The following TRIM49C variants were observed in gnomAD, a reference collection of about 807,000 sequenced individuals.
TRIM49C encodes the protein tripartite motif containing 49C.
A neutral mutation model predicts 21.4 loss-of-function variants in TRIM49C; 6 were observed. That is an observed-to-expected ratio of 0.28 (90% CI 0.15 to 0.55). TRIM49C has a LOEUF of 0.55. Among genes scored for constraint, TRIM49C ranks in the 20% least tolerant of loss-of-function variants. The pLI is 0.94. For missense variants in TRIM49C, 161 were observed against 442.4 expected (o/e 0.36, Z 5.71); for synonymous variants, 57 against 148.1 (o/e 0.38, Z 4.47).
Position 90,041,584 on chromosome 11 carries a change from T to C in TRIM49C, c.*34T>C. 1 of 1,137,986 alleles carries C rather than the reference T, an allele frequency of 8.8e-7. No individual in the cohort carries two copies. The highest frequency in any genetic ancestry group is 2.7e-5 in the East Asian group (1 of 37,720). 70.5% of individuals were successfully genotyped at this position (1,137,986 alleles called of 1,614,324 possible). A position where few individuals can be genotyped will look rare whatever the true frequency, so the allele number is the denominator to read the frequency against. On this transcript the variant is annotated 3_prime_UTR_variant, in exon 8 of 8. Transcript: ENST00000448984. ...AAATCAGAAATGTGTTCACATGCTG[T>C]GGGAACCCCTTTATCCCAGGAAGTC...
the TRIM49C span, chr11:90,062,820 T>C: frequency 3.5e-6 from 5 of 1,419,406 alleles, 1 homozygote; most frequent in South Asian, 6.9e-5. Flanking sequence ...GTTGGGCTTC[T>C]CTGAGATTTT....
At chr11:90,062,936 T>C in the TRIM49C span, 1 of 1,425,052 alleles carries the variant, frequency 7.0e-7, no homozygotes, top group Non-Finnish European at 9.3e-7. Flanking sequence ...GTCTATGAAG[T>C]AGTTCACGCA....
chr11:90,033,217 T>A (rs1268184053), intron 2 of TRIM49C, among the ~76,000 whole-genome samples: 1 of 126,610 alleles, frequency 7.9e-6, no homozygotes, highest in Non-Finnish European at 1.7e-5. Flanking sequence ...ATTCTAAGAT[T>A]TTTCACTGCT....
At chr11:90,054,443 G>A in the TRIM49C span, among the ~76,000 whole-genome samples, 58 of 136,918 alleles carry the variant, frequency 4.2e-4, 10 homozygotes, top group South Asian at 8.4e-3. Context: ...TTTATTCACT[G>A]AGGCAGAGTC....
chr11:90,063,101 T>C, the TRIM49C span: 1 of 896,632 alleles, frequency 1.1e-6, no homozygotes, highest in Non-Finnish European at 1.6e-6. Flanking sequence ...CTTTGTCTAC[T>C]TGAGCTCTGT....
chr11:90,071,578 A>C, the TRIM49C span: 2 of 515,756 alleles, frequency 3.9e-6, no homozygotes, highest in Non-Finnish European at 7.1e-6. Context: ...AACCCATCCT[A>C]GGATTGTGGA....
In TRIM49C at chr11:90,035,927, G is replaced by C. The variant is rs1298800434; in HGVS notation, c.451G>C (p.Ala151Pro). The change falls in exon 4 of 8, where the codon GCT becomes CCT. Residue 151 changes from alanine (A) to proline (P), a missense_variant. Physicochemically the swap from Ala to Pro is conservative, Grantham distance 27. Transcript: ENST00000448984. The part of the protein sequence containing the change: ...LQKMQSLWEK[A>P]CENHRNLNVE... The stretch of plus-strand genomic sequence containing the variant: ...GAAAATGCAGTCTTTGTGGGAAAAA[G>C]CTTGTGAAAATCACAGAAACCTGAA... 1 of 999,204 alleles carries C rather than the reference G, an allele frequency of 1.0e-6. No individual in the cohort carries two copies. The highest frequency in any genetic ancestry group is 1.3e-6 in the Non-Finnish European group (1 of 769,006). The allele number at this position is 999,204 out of a possible 1,614,324, so 61.9% of individuals were successfully genotyped here.
rs1950701907 is a variant in TRIM49C, at chr11:90,033,586, A to G, written c.-5+1004A>G. 1.5e-5 allele frequency among the ~76,000 whole-genome samples: 2 copies of G among 131,186 alleles called. 1 individual carries two copies. The highest frequency in any genetic ancestry group is 3.3e-5 in the Non-Finnish European group (2 of 61,300). 86.1% of individuals were successfully genotyped at this position (131,186 alleles called of 152,430 possible). On this transcript the variant is annotated intron_variant, in intron 2 of 7. Coordinates refer to ENST00000448984, the MANE Select transcript of TRIM49C (RefSeq NM_001195234.1). ...TTGTAGGAACAATAGGCTATAGTGT[A>G]TACCATAGGTGTAGTAGGCTATACC...
chr11:90,031,657 A>G (rs1428518358), intron 1 of TRIM49C, among the ~76,000 whole-genome samples: 1 of 151,880 alleles, frequency 6.6e-6, no homozygotes, highest in African/African-American at 2.4e-5. Context: ...CGTTAAAATA[A>G]TAACTCATCT....
At chr11:90,039,246 C>T (rs1237527763) in intron 6 of TRIM49C, among the ~76,000 whole-genome samples, 1 of 128,240 alleles carries the variant, frequency 7.8e-6, no homozygotes, top group African/African-American at 3.0e-5. Flanking sequence ...GCTTGAAAGC[C>T]TGCACAGGAG....
At chr11:90,031,923 C>A (rs630357) in intron 1 of TRIM49C, among the ~76,000 whole-genome samples, 1 of 131,744 alleles carries the variant, frequency 7.6e-6, no homozygotes, top group African/African-American at 2.7e-5. Context: ...AAGCCAGGAG[C>A]TGGAGAACAG....
chr11:90,073,166 C>G, the TRIM49C span: 64 of 1,006,762 alleles, frequency 6.4e-5, 9 homozygotes, highest in South Asian at 7.2e-4. Flanking sequence ...GGACATATTT[C>G]TTCTTTTATG....
chr11:90,049,168 C>A, the TRIM49C span, among the ~76,000 whole-genome samples: 1 of 122,948 alleles, frequency 8.1e-6, no homozygotes, highest in African/African-American at 3.2e-5. Flanking sequence ...AGGTGTCAGT[C>A]TGCCCCTACT....
downstream of TRIM49C, among the ~76,000 whole-genome samples, chr11:90,043,545 T>A (rs1432684009): frequency 8.3e-6 from 1 of 121,062 alleles, no homozygotes; most frequent in Non-Finnish European, 1.7e-5. Context: ...GATAGCTACA[T>A]GTTTGCTTAG....
chr11:90,059,632 AC>A, the TRIM49C span, among the ~76,000 whole-genome samples: 1 of 90,160 alleles, frequency 1.1e-5, no homozygotes, highest in Non-Finnish European at 2.1e-5. Context: ...TCAGACAAAA[AC>A]CTTTGGGACC....
the TRIM49C span, among the ~76,000 whole-genome samples, chr11:90,065,675 AGCTGGGCAAGGTG>A: frequency 7.2e-6 from 1 of 138,980 alleles, no homozygotes; most frequent in Non-Finnish European, 1.6e-5. Flanking sequence ...TATTTTAAGT[AGCTGGGCAAGGTG>A]GCTCATGCCT....
At chr11:90,067,221 T>TA in the TRIM49C span, among the ~76,000 whole-genome samples, 1 of 139,624 alleles carries the variant, frequency 7.2e-6, no homozygotes, top group Non-Finnish European at 1.6e-5. Flanking sequence ...ATGGAGAGCG[T>TA]ATGCTTCAGT....
At chr11:90,054,475 C>T in the TRIM49C span, among the ~76,000 whole-genome samples, 1 of 137,558 alleles carries the variant, frequency 7.3e-6, no homozygotes, top group African/African-American at 2.6e-5. Context: ...GTCACCGAGG[C>T]TAGAGTGCAG....
In TRIM49C at chr11:90,040,849, C is replaced by CA. The variant is rs530845863; in HGVS notation, c.860-192dup. On this transcript the variant is annotated intron_variant, in intron 7 of 7. Coordinates refer to ENST00000448984, the MANE Select transcript of TRIM49C (RefSeq NM_001195234.1). ...ATTTGGCTCTCAATATGTAAGTTTT[C>CA]AAAAAAAAAACATAATATCTGTGGT... 9.6e-3 allele frequency among the ~76,000 whole-genome samples: 1,274 copies of CA among 132,386 alleles called. 9 individuals carry two copies. The highest frequency in any genetic ancestry group is 0.022 in the African/African-American group (801 of 37,250). The allele number at this position is 132,386 out of a possible 152,430, so 86.9% of individuals were successfully genotyped here. A position where few individuals can be genotyped will look rare whatever the true frequency, so the allele number is the denominator to read the frequency against.
Sources: allele counts gnomAD v4.1 joint callset (sites outside exome capture counted in the v4.1 genomes callset), GRCh38; gene constraint gnomAD v4.1.1; transcripts MANE v1.5; gene names NCBI Gene and HGNC (gene_info 2026-07-23, HGNC 2026-07-21).